The following ATP10B variants were observed in gnomAD, a reference collection of about 807,000 sequenced individuals.
The protein encoded by ATP10B is phospholipid-transporting ATPase VB.
A neutral mutation model predicts 141.2 loss-of-function variants in ATP10B; 122 were observed. That is an observed-to-expected ratio of 0.86 (90% CI 0.75 to 1.00). ATP10B has a LOEUF of 1.00. Among genes scored for constraint, ATP10B ranks in the 50% least tolerant of loss-of-function variants. ATP10B has a pLI of 0.00. For missense variants in ATP10B, 1,876 were observed against 1,825.3 expected, an observed-to-expected ratio of 1.03 and a Z score of -0.51; for synonymous variants, 685 against 692.0, an observed-to-expected ratio of 0.99 and a Z score of 0.16.
the ATP10B span, among the ~76,000 whole-genome samples, chr5:160,899,125 C>T: frequency 1.3e-5 from 2 of 151,960 alleles, no homozygotes; most frequent in Non-Finnish European, 2.9e-5. Flanking sequence ...CACATATATC[C>T]CAGAACTTAA....
In ATP10B at chr5:160,826,780, G is replaced by T. The variant is rs948005400; in HGVS notation, c.-576+25161C>A. On this transcript the variant is annotated intron_variant, in intron 1 of 25. Coordinates refer to ENST00000327245, the MANE Select transcript of ATP10B (RefSeq NM_025153.3). Reference sequence around the variant, plus strand: ...CCTGTGGGGAAGTCTATAAACGGCCGCTCTAGGAGTGTCTGTCTGATACAG... The same window carrying T: ...CCTGTGGGGAAGTCTATAAACGGCCTCTCTAGGAGTGTCTGTCTGATACAG... Among the ~76,000 whole-genome samples, 13 of 152,242 alleles carry T rather than the reference G, an allele frequency of 8.5e-5. No homozygotes were observed. In the South Asian group the frequency reaches 1.0e-3, roughly 12 times the overall value.
chr5:160,909,000 T>C, the ATP10B span, among the ~76,000 whole-genome samples: 1 of 152,160 alleles, frequency 6.6e-6, no homozygotes, highest in Non-Finnish European at 1.5e-5. Flanking sequence ...ATCAAATATC[T>C]ACTATGTGCC....
intron 3 of ATP10B, among the ~76,000 whole-genome samples, chr5:160,706,775 C>T (rs1765039906): frequency 6.6e-6 from 1 of 152,080 alleles, no homozygotes; most frequent in Non-Finnish European, 1.5e-5. Flanking sequence ...ATGAACTAAA[C>T]AACAGACTAT....
chr5:160,873,670 G>GGTGCA, the ATP10B span, among the ~76,000 whole-genome samples: 3 of 152,300 alleles, frequency 2.0e-5, no homozygotes, highest in East Asian at 5.8e-4. Flanking sequence ...CAGGTCAGTG[G>GGTGCA]GTGCACGCAC....
chr5:160,639,208 G>A (rs1759643290), intron 10 of ATP10B: 1 of 152,304 alleles, frequency 6.6e-6, no homozygotes, highest in Non-Finnish European at 1.5e-5. Context: ...CTCCACTTGA[G>A]AATCAGCTTT....
chr5:160,766,644 C>T (rs781485107), intron 2 of ATP10B, among the ~76,000 whole-genome samples: 1 of 152,082 alleles, frequency 6.6e-6, no homozygotes, highest in Admixed American at 6.6e-5. Flanking sequence ...GTGCAGTGTA[C>T]ACTGCTCGGG....
chr5:160,891,934 T>C, the ATP10B span, among the ~76,000 whole-genome samples: 3 of 152,204 alleles, frequency 2.0e-5, no homozygotes, highest in African/African-American at 7.2e-5. Flanking sequence ...TAGAGGTGAA[T>C]GAGAAATATG....
chr5:160,814,883 C>G (rs1380014043), intron 1 of ATP10B, among the ~76,000 whole-genome samples: 1 of 152,120 alleles, frequency 6.6e-6, no homozygotes, highest in African/African-American at 2.4e-5. Flanking sequence ...TCCAGCCAAA[C>G]TAAGCTTCAT....
chr5:160,799,871 T>C (rs1190011565), intron 1 of ATP10B, among the ~76,000 whole-genome samples: 1 of 152,240 alleles, frequency 6.6e-6, no homozygotes, highest in Non-Finnish European at 1.5e-5. Context: ...CTCATAGTTC[T>C]CATCCATTCA....
rs139882333 is a variant in ATP10B, at chr5:160,634,508, G to C, written c.1227C>G (p.Thr409=). The C allele has an allele frequency of 6.2e-7, 1 of 1,613,920 alleles. No individual in the cohort carries two copies. The highest frequency in any genetic ancestry group is 8.5e-7 in the Non-Finnish European group (1 of 1,180,016). ...SNDLDLYDEE[T]DLSIQCRALN... ...GGGCTCGACATTGAATGGATAAATC[G>C]GTCTCTTCATCATACAGGTCAAGGT... Residue 409 remains threonine, a synonymous_variant, in exon 12 of 26, where the codon ACC becomes ACG. Coordinates refer to ENST00000327245, the MANE Select transcript of ATP10B (RefSeq NM_025153.3).
At chr5:160,625,227 C>A (rs1189741349) in intron 13 of ATP10B, among the ~76,000 whole-genome samples, 2 of 152,166 alleles carry the variant, frequency 1.3e-5, no homozygotes. Context: ...AATCTTAACA[C>A]CTATATCAGG....
the ATP10B span, among the ~76,000 whole-genome samples, chr5:160,921,599 T>C: frequency 3.3e-5 from 5 of 152,224 alleles, no homozygotes; most frequent in Non-Finnish European, 5.9e-5. Context: ...TGTGTTTAAT[T>C]TTATAGTCAC....
At chr5:160,880,166 TAAA>T in the ATP10B span, among the ~76,000 whole-genome samples, 10 of 146,892 alleles carry the variant, frequency 6.8e-5, no homozygotes, top group Non-Finnish European at 1.3e-4. Context: ...AAAATATAAA[TAAA>T]AATATATAAT....
chr5:160,622,134 T>C (rs1033713543), intron 14 of ATP10B, among the ~76,000 whole-genome samples: 2 of 152,236 alleles, frequency 1.3e-5, no homozygotes, highest in African/African-American at 4.8e-5. Flanking sequence ...TAACTCTTAA[T>C]GTCTACCTGC....
intron 8 of ATP10B, among the ~76,000 whole-genome samples, chr5:160,646,838 G>C (rs1760311372): frequency 2.6e-5 from 4 of 152,200 alleles, no homozygotes; most frequent in Admixed American, 2.0e-4. Context: ...TGGTTTACAA[G>C]GATGGTCTAT....
chr5:160,828,264 T>A (rs1008210598), intron 1 of ATP10B, among the ~76,000 whole-genome samples: 1 of 151,886 alleles, frequency 6.6e-6, no homozygotes, highest in Non-Finnish European at 1.5e-5. Context: ...ACCATCAGAG[T>A]GAACAGGCAA....
chr5:160,751,860 T>G (rs1768175699), intron 2 of ATP10B, among the ~76,000 whole-genome samples: 1 of 152,128 alleles, frequency 6.6e-6, no homozygotes. Context: ...AAAGTATATT[T>G]CACATTTTTG....
chr5:160,640,116 G>A (rs1255523693), intron 10 of ATP10B, among the ~76,000 whole-genome samples: 3 of 152,224 alleles, frequency 2.0e-5, no homozygotes, highest in Admixed American at 2.0e-4. Flanking sequence ...AGCTGTAACA[G>A]AATAAATTTG....
intron 3 of ATP10B, among the ~76,000 whole-genome samples, chr5:160,703,509 C>T (rs1764799584): frequency 6.6e-6 from 1 of 151,496 alleles, no homozygotes; most frequent in African/African-American, 2.4e-5. Context: ...TGGAGTCTCA[C>T]TCTTGTCACT....
Sources: allele counts gnomAD v4.1 joint callset (sites outside exome capture counted in the v4.1 genomes callset), GRCh38; gene constraint gnomAD v4.1.1; transcripts MANE v1.5; gene names NCBI Gene and HGNC (gene_info 2026-07-23, HGNC 2026-07-21).